Variants in NCAPD3 observed in about 807,000 individuals in gnomAD.
NCAPD3 encodes condensin-2 complex subunit D3.
Under a neutral mutation model 182.9 loss-of-function variants are expected in NCAPD3, and 105 were observed. The observed-to-expected ratio is 0.57, with a 90% CI of 0.49 to 0.68. The LOEUF (loss-of-function observed/expected upper bound fraction) is 0.68, where lower values mean the gene tolerates loss of function less well. NCAPD3 is among the 30% of genes least tolerant of loss of function. The pLI is 0.00. For missense variants in NCAPD3, 1,944 were observed against 1,837.0 expected (o/e 1.06, Z -1.07); for synonymous variants, 815 against 679.9 (o/e 1.20, Z -3.09).
intron 16 of NCAPD3, among the ~76,000 whole-genome samples, chr11:134,190,021 A>G (rs1007105459): frequency 6.6e-6 from 1 of 152,244 alleles, no homozygotes; most frequent in Non-Finnish European, 1.5e-5. Context: ...ATTTACATTT[A>G]TAGAGATTAC....
chr11:134,209,073 T>A, intron 6 of NCAPD3, 72 bp downstream of exon 6: 1 of 1,505,950 alleles, frequency 6.6e-7, no homozygotes, highest in Non-Finnish European at 9.2e-7. Flanking sequence ...TAAAATGGTA[T>A]TTCCATTTCT....
chr11:134,163,468 G>A (rs1316173821), intron 27 of NCAPD3, among the ~76,000 whole-genome samples: 1 of 152,072 alleles, frequency 6.6e-6, no homozygotes, highest in Non-Finnish European at 1.5e-5. Flanking sequence ...GGAAGGCCGA[G>A]GCGGGCAGAT....
At chr11:134,194,838 ACT>A (rs2135999207) in intron 13 of NCAPD3, 100 bp from the exon 14 acceptor site, 1 of 693,118 alleles carries the variant, frequency 1.4e-6, no homozygotes, top group Non-Finnish European at 2.4e-6. Flanking sequence ...CATCTTAAAG[ACT>A]CATTAGCTTG....
chr11:134,169,161 G>T, intron 24 of NCAPD3, 107 bp from the exon 25 acceptor site: 1 of 1,136,536 alleles, frequency 8.8e-7, no homozygotes, highest in Non-Finnish European at 1.2e-6. Context: ...CATAAGCGTA[G>T]GGATTCAAAA....
rs1352467188 is a variant in NCAPD3 at position 134,177,307 on chromosome 11, T to C, written c.2933A>G (p.Lys978Arg). The C allele has an allele frequency of 3.1e-6, 5 of 1,614,116 alleles. No homozygotes were observed. Among genetic ancestry groups the C allele is most frequent in the African/African-American group, 1.3e-5 (1 of 74,950 alleles). Reference protein sequence around the residue: ...LCIRYTIMVDKYIPNISMCLK... With the variant: ...LCIRYTIMVDRYIPNISMCLK... The stretch of plus-strand genomic sequence containing the variant: ...ACACATGGAGATGTTGGGAATATAC[T>C]TGTCCACCATGATGGTGTAGCGAAT... The change falls in exon 23 of 35, where the codon AAG becomes AGG. Residue 978 changes from lysine to arginine, a missense_variant. Physicochemically the swap from Lys to Arg is conservative, Grantham distance 26. Around this residue, in one of 3 missense-constraint regions of NCAPD3, gnomAD observed 1,803 missense variants for 1,674.6 expected, o/e 1.08. Coordinates refer to ENST00000534548, the MANE Select transcript of NCAPD3 (RefSeq NM_015261.3).
chr11:134,177,420 C>T lies in NCAPD3; in HGVS notation c.2820G>A (p.Lys940=), dbSNP rs958704611. The T allele has an allele frequency of 6.2e-7, 1 of 1,614,158 alleles. No individual in the cohort carries two copies. The change falls in exon 23 of 35, where the codon AAG becomes AAA. Residue 940 remains lysine (K), a synonymous_variant. Transcript: ENST00000534548. ...GCTCTCGCACCAGGGCTGGGATGCTCTTCTTTGCCAGATCCTCGTGCTGTA... is the reference window on the plus strand; with the variant it reads ...GCTCTCGCACCAGGGCTGGGATGCTTTTCTTTGCCAGATCCTCGTGCTGTA... ...LCLQHEDLAK[K]SIPALVRELE... is the part of the protein sequence containing the mutation.
At position 134,168,899 on chromosome 11, in the gene NCAPD3, C is replaced by CTTAGCT; in HGVS notation, c.3239+12_3239+17dup. ...CTTACCCAGATACAAGGAGACCAGA[C>CTTAGCT]TTAGCTGCTTCACTGACCTCTCTGA... is the stretch of plus-strand genomic sequence containing the variant. On this transcript the variant is annotated intron_variant, in intron 25 of 34. Transcript: ENST00000534548. 1 of 1,608,384 alleles carries CTTAGCT rather than the reference C, an allele frequency of 6.2e-7. No homozygotes were observed. Among genetic ancestry groups the CTTAGCT allele is most frequent in the Non-Finnish European group, 8.5e-7 (1 of 1,177,014 alleles).
intron 13 of NCAPD3, among the ~76,000 whole-genome samples, chr11:134,201,127 C>T (rs1013003571): frequency 2.0e-5 from 3 of 151,266 alleles, no homozygotes; most frequent in African/African-American, 7.3e-5. Context: ...TGGGTTCAAG[C>T]GATTCTCCTG....
chr11:134,193,116 G>A (rs1479297570), intron 15 of NCAPD3, among the ~76,000 whole-genome samples: 1 of 152,180 alleles, frequency 6.6e-6, no homozygotes, highest in East Asian at 1.9e-4. Context: ...ATACATTAAA[G>A]TCACTATTTT....
intron 31 of NCAPD3, 47 bp from the exon 32 acceptor site, chr11:134,157,142 A>C (rs372185728): frequency 8.9e-6 from 13 of 1,455,980 alleles, no homozygotes; most frequent in Non-Finnish European, 1.2e-5. Flanking sequence ...CCAAACAATA[A>C]CGAAGAGCAA....
At chr11:134,155,568 A>G (rs1436418231) in intron 32 of NCAPD3, among the ~76,000 whole-genome samples, 1 of 152,198 alleles carries the variant, frequency 6.6e-6, no homozygotes, top group Non-Finnish European at 1.5e-5. Flanking sequence ...TGAGGGCGGC[A>G]TGAACCCTCC....
At chr11:134,165,356 G>C (rs918444310) in intron 27 of NCAPD3, among the ~76,000 whole-genome samples, 1 of 151,162 alleles carries the variant, frequency 6.6e-6, no homozygotes, top group African/African-American at 2.4e-5. Context: ...TCATGAGCTT[G>C]GGAAGGGCGC....
At chr11:134,163,424 G>C (rs1478910648) in intron 27 of NCAPD3, among the ~76,000 whole-genome samples, 2 of 152,088 alleles carry the variant, frequency 1.3e-5, no homozygotes, top group African/African-American at 4.8e-5. Context: ...GCTGGGCTGG[G>C]TGTGGTGGCT....
At chr11:134,223,413 A>G (rs965663769) in intron 1 of NCAPD3, 11 of 702,374 alleles carry the variant, frequency 1.6e-5, no homozygotes, top group Non-Finnish European at 2.6e-5. Context: ...TGCCATTAGC[A>G]GGCTTTGGGA....
At chr11:134,223,569 T>C (rs1938327211) in intron 1 of NCAPD3, 1 of 685,004 alleles carries the variant, frequency 1.5e-6, no homozygotes, top group East Asian at 2.7e-5. Flanking sequence ...AATAGATAGG[T>C]GCACGAAGAC....
intron 29 of NCAPD3, among the ~76,000 whole-genome samples, chr11:134,159,173 C>G (rs1424587249): frequency 6.6e-6 from 1 of 152,244 alleles, no homozygotes; most frequent in South Asian, 2.1e-4. Context: ...TTTGACTATA[C>G]AGTCAGCAGC....
At chr11:134,164,514 G>A (rs549454225) in intron 27 of NCAPD3, among the ~76,000 whole-genome samples, 2 of 151,304 alleles carry the variant, frequency 1.3e-5, no homozygotes, top group Admixed American at 1.3e-4. Context: ...GGAGAACACG[G>A]AAGCCAGTAG....
intron 27 of NCAPD3, among the ~76,000 whole-genome samples, chr11:134,163,080 G>A (rs1018258097): frequency 2.6e-5 from 4 of 152,128 alleles, no homozygotes; most frequent in Admixed American, 1.3e-4. Flanking sequence ...AGAGGTTAGA[G>A]GTGAGGATGG....
intron 32 of NCAPD3, among the ~76,000 whole-genome samples, chr11:134,155,735 G>C (rs1406540633): frequency 6.6e-6 from 1 of 152,064 alleles, no homozygotes; most frequent in South Asian, 2.1e-4. Context: ...TGGCACTCCT[G>C]AGCCAGGAAC....
Sources: allele counts gnomAD v4.1 joint callset (sites outside exome capture counted in the v4.1 genomes callset), GRCh38; gene constraint gnomAD v4.1.1; regional missense constraint gnomAD v4.1.1; transcripts MANE v1.5; gene names NCBI Gene and HGNC (gene_info 2026-07-23, HGNC 2026-07-21).